The following SLC10A7 variants were observed in gnomAD, a reference collection of about 807,000 sequenced individuals.
SLC10A7 encodes the protein sodium/bile acid cotransporter 7.
A neutral mutation model predicts 43.2 loss-of-function variants in SLC10A7; 29 were observed. That is an observed-to-expected ratio of 0.67 (90% confidence interval 0.50 to 0.92). The LOEUF (loss-of-function observed/expected upper bound fraction) is 0.92, where lower values mean the gene tolerates loss of function less well. SLC10A7 is among the 40% of genes least tolerant of loss of function. The pLI, the probability that SLC10A7 is intolerant of heterozygous loss-of-function variation, is 0.00. For synonymous variants in SLC10A7, 152 were observed against 144.8 expected, an observed-to-expected ratio of 1.05 and a Z score of -0.35; for missense variants, 295 against 403.2, an observed-to-expected ratio of 0.73 and a Z score of 2.30.
intron 10 of SLC10A7, among the ~76,000 whole-genome samples, chr4:146,279,901 T>C (rs1729436955): frequency 6.6e-6 from 1 of 152,088 alleles, no homozygotes; most frequent in Admixed American, 6.6e-5. Context: ...AATGCACTAA[T>C]AAAAGCAATG....
chr4:146,296,813 GTAGTGTTGA>G (rs945304762), intron 7 of SLC10A7, among the ~76,000 whole-genome samples: 2 of 152,168 alleles, frequency 1.3e-5, no homozygotes, highest in Non-Finnish European at 2.9e-5. Flanking sequence ...ACTGGGTGAA[GTAGTGTTGA>G]CATGCCTCAA....
At chr4:146,451,152 A>G (rs1731552035) in intron 4 of SLC10A7, among the ~76,000 whole-genome samples, 1 of 151,122 alleles carries the variant, frequency 6.6e-6, no homozygotes, top group Non-Finnish European at 1.5e-5. Flanking sequence ...GAAAAAGTAC[A>G]TATAAAAAAG....
At chr4:146,516,932 C>T (rs2357080) in intron 2 of SLC10A7, 106 bp downstream of exon 2, 1 of 801,552 alleles carries the variant, frequency 1.2e-6, no homozygotes, top group Non-Finnish European at 2.0e-6. Flanking sequence ...ATAGTGAATC[C>T]TTCAGATTAT....
At chr4:146,493,071 T>C (rs1464991655) in intron 4 of SLC10A7, among the ~76,000 whole-genome samples, 1 of 152,204 alleles carries the variant, frequency 6.6e-6, no homozygotes, top group Non-Finnish European at 1.5e-5. Flanking sequence ...TTCATAAATA[T>C]ACACAAATAC....
chr4:146,475,111 G>T (rs1232962011), intron 4 of SLC10A7, among the ~76,000 whole-genome samples: 1 of 152,088 alleles, frequency 6.6e-6, no homozygotes, highest in Non-Finnish European at 1.5e-5. Context: ...TTAAGTATGA[G>T]ATATCGAAAT....
At chr4:146,326,542 T>C (rs4835294) in intron 5 of SLC10A7, among the ~76,000 whole-genome samples, 21,411 of 152,216 alleles carry the variant, frequency 0.14, 1,533 homozygotes, top group South Asian at 0.15. Context: ...GGCAAGTCTT[T>C]CATCTAATTC....
intron 5 of SLC10A7, among the ~76,000 whole-genome samples, chr4:146,404,746 A>G (rs1739463579): frequency 6.6e-6 from 1 of 152,110 alleles, no homozygotes; most frequent in African/African-American, 2.4e-5. Context: ...CTGGGGTTAC[A>G]GGTGTGAGCC....
At chr4:146,503,517 T>C (rs759394771) in intron 4 of SLC10A7, among the ~76,000 whole-genome samples, 1 of 152,230 alleles carries the variant, frequency 6.6e-6, no homozygotes, top group Non-Finnish European at 1.5e-5. Flanking sequence ...GGAATCGCCA[T>C]ACTGGATGCC....
At chr4:146,481,765 T>C (rs575093986) in intron 4 of SLC10A7, among the ~76,000 whole-genome samples, 17 of 152,202 alleles carry the variant, frequency 1.1e-4, no homozygotes. Context: ...CAGGTGCTAA[T>C]AGTAATCTCA....
chr4:146,275,255 T>C (rs1324356118), intron 10 of SLC10A7, among the ~76,000 whole-genome samples: 1 of 152,238 alleles, frequency 6.6e-6, no homozygotes, highest in African/African-American at 2.4e-5. Flanking sequence ...TGCTGGTCTA[T>C]GGTGTCCATC....
At chr4:146,356,517 C>T (rs1050012060) in intron 5 of SLC10A7, among the ~76,000 whole-genome samples, 1 of 151,864 alleles carries the variant, frequency 6.6e-6, no homozygotes, top group Admixed American at 6.6e-5. Flanking sequence ...GATCTTCCTC[C>T]CTCACTTACT....
At chr4:146,292,780 C>A (rs1030521685) in intron 9 of SLC10A7, 149 bp downstream of exon 9, 5 of 556,124 alleles carry the variant, frequency 9.0e-6, no homozygotes, top group African/African-American at 5.9e-5. Context: ...TTGAAGGTGG[C>A]AGAAGGGAGG....
chr4:146,381,677 T>G (rs2630288), intron 5 of SLC10A7, among the ~76,000 whole-genome samples: 42,992 of 151,632 alleles, frequency 0.28, 6,151 homozygotes, highest in South Asian at 0.34. Flanking sequence ...GGGAGGCAAG[T>G]TCTTCTTTTC....
At chr4:146,365,809 T>G (rs1191069429) in intron 5 of SLC10A7, among the ~76,000 whole-genome samples, 2 of 152,244 alleles carry the variant, frequency 1.3e-5, no homozygotes, top group Non-Finnish European at 2.9e-5. Context: ...TAATGTCCTT[T>G]GTCCTCTTCA....
intron 5 of SLC10A7, among the ~76,000 whole-genome samples, chr4:146,363,772 T>C (rs1736211582): frequency 6.6e-6 from 1 of 151,964 alleles, no homozygotes; most frequent in African/African-American, 2.4e-5. Context: ...ATGAAGAAAT[T>C]AAGAAGGAAA....
At chr4:146,510,299 G>A (rs892306808) in intron 2 of SLC10A7, among the ~76,000 whole-genome samples, 5 of 146,584 alleles carry the variant, frequency 3.4e-5, no homozygotes, top group Non-Finnish European at 6.0e-5. Flanking sequence ...TTTGCTCGTC[G>A]CCCAGGCTGG....
chr4:146,428,370 C>A (rs1197763492), intron 5 of SLC10A7, among the ~76,000 whole-genome samples: 1 of 152,162 alleles, frequency 6.6e-6, no homozygotes, highest in Non-Finnish European at 1.5e-5. Context: ...CAAATTTTAA[C>A]CGCTGACAAG....
chr4:146,299,263 A>C (rs1392015019), intron 7 of SLC10A7, among the ~76,000 whole-genome samples: 1 of 152,222 alleles, frequency 6.6e-6, no homozygotes, highest in Non-Finnish European at 1.5e-5. Context: ...CCTCTGAACT[A>C]GCACATATGT....
chr4:146,290,587 C>T (rs1049589698), intron 9 of SLC10A7, among the ~76,000 whole-genome samples: 9 of 151,864 alleles, frequency 5.9e-5, no homozygotes, highest in South Asian at 2.1e-4. Flanking sequence ...ATGCTAGTTG[C>T]GGTGAATCAT....
Sources: allele counts gnomAD v4.1 joint callset (sites outside exome capture counted in the v4.1 genomes callset), GRCh38; gene constraint gnomAD v4.1.1; transcripts MANE v1.5; gene names NCBI Gene and HGNC (gene_info 2026-07-23, HGNC 2026-07-21).